The following NME7 variants were observed in gnomAD, a reference collection of about 807,000 sequenced individuals.
The protein encoded by NME7 is NME/NM23 family member 7.
Under a neutral mutation model 49.1 loss-of-function variants are expected in NME7, and 41 were observed. The observed-to-expected ratio is 0.83, with a 90% confidence interval of 0.65 to 1.08. The LOEUF is 1.08. NME7 is among the 50% of genes least tolerant of loss of function. The probability of loss-of-function intolerance (pLI) is 0.00; values close to 1 mark genes in which losing one functional copy is unlikely to be tolerated. For missense variants in NME7, 423 were observed against 463.4 expected, an observed-to-expected ratio of 0.91 and a Z score of 0.80; for synonymous variants, 139 against 150.6, an observed-to-expected ratio of 0.92 and a Z score of 0.56.
chr1:169,287,460 TA>T, intron 6 of NME7, 52 bp from the exon 7 acceptor site: 4 of 1,253,576 alleles, frequency 3.2e-6, no homozygotes, highest in South Asian at 1.7e-5. Flanking sequence ...ATCTTGAACT[TA>T]CAAGATATTT....
intron 1 of NME7, among the ~76,000 whole-genome samples, chr1:169,325,036 TAGGACCTCTGAAAATGAA>T (rs1331942569): frequency 2.0e-5 from 3 of 152,200 alleles, no homozygotes; most frequent in Non-Finnish European, 2.9e-5. Flanking sequence ...TGTGTTAGTC[TAGGACCTCTGAAAATGAA>T]TGTGAAGACA....
chr1:169,247,858 A>G (rs952344612), intron 7 of NME7, among the ~76,000 whole-genome samples: 1 of 152,124 alleles, frequency 6.6e-6, no homozygotes, highest in African/African-American at 2.4e-5. Context: ...GTGTATATAT[A>G]TCACATTTTC....
At chr1:169,149,492 A>T (rs1185505350) in intron 11 of NME7, among the ~76,000 whole-genome samples, 5 of 152,268 alleles carry the variant, frequency 3.3e-5, no homozygotes, top group African/African-American at 1.2e-4. Context: ...CCCAGCGGAT[A>T]CCTGAAACCA....
chr1:169,272,204 A>T lies in NME7; in HGVS notation c.754+15099T>A, dbSNP rs77631363. On this transcript the variant is annotated intron_variant, in intron 7 of 11. Coordinates refer to ENST00000367811, the MANE Select transcript of NME7 (RefSeq NM_013330.5). Reference sequence around the variant, plus strand: ...TCCTGTATAAACAGAAAAATAATATATTAAAATTATTAATAGTTATTTTGA... The same window carrying T: ...TCCTGTATAAACAGAAAAATAATATTTTAAAATTATTAATAGTTATTTTGA... Among the ~76,000 whole-genome samples, 33 of 133,042 alleles carry T rather than the reference A, an allele frequency of 2.5e-4. 7 individuals carry two copies. In the South Asian group the frequency reaches 7.0e-3, roughly 28 times the overall value. The allele number at this position is 133,042 out of a possible 152,430, so 87.3% of individuals were successfully genotyped here.
intron 7 of NME7, among the ~76,000 whole-genome samples, chr1:169,251,632 C>T (rs1230569125): frequency 1.4e-5 from 2 of 144,254 alleles, no homozygotes; most frequent in African/African-American, 2.6e-5. Flanking sequence ...CATATGTATA[C>T]ATGTGCCATG....
At chr1:169,364,753 A>C (rs928102257) in intron 1 of NME7, among the ~76,000 whole-genome samples, 1 of 152,238 alleles carries the variant, frequency 6.6e-6, no homozygotes, top group Non-Finnish European at 1.5e-5. Context: ...TTTATAGTTT[A>C]ACTTTGAAGC....
At chr1:169,246,057 T>C (rs1016397083) in intron 7 of NME7, among the ~76,000 whole-genome samples, 3 of 152,106 alleles carry the variant, frequency 2.0e-5, no homozygotes, top group Admixed American at 6.6e-5. Context: ...AAAAATATTG[T>C]AGAATTATAT....
At chr1:169,314,611 T>G (rs993299840) in intron 3 of NME7, among the ~76,000 whole-genome samples, 7 of 152,078 alleles carry the variant, frequency 4.6e-5, no homozygotes, top group Non-Finnish European at 7.4e-5. Flanking sequence ...ATTATAAAAC[T>G]GTATTTATAA....
At chr1:169,367,796 ACAAAGCCCCGC>A in exon 1 of NME7, 1 of 1,568,126 alleles carries the variant, frequency 6.4e-7, no homozygotes, top group Non-Finnish European at 8.8e-7. Context: ...TACTCAGGCA[ACAAAGCCCCGC>A]CCACTGTCGC....
rs540635676 is a variant in NME7 at position 169,234,558 on chromosome 1, C to T, written c.888+573G>A. Among the ~76,000 whole-genome samples the T allele has an allele frequency of 7.2e-5, 11 of 152,194 alleles. No individual in the cohort carries two copies. The South Asian group carries it at 1.0e-3, about 14-fold the overall frequency. On this transcript the variant is annotated intron_variant, in intron 9 of 11. Transcript: ENST00000367811. ...ACTTTTAATATGTGAGACAGTTTTA[C>T]ATAATTTATTTCATTTAATTCCCAC... is the stretch of plus-strand genomic sequence containing the variant.
intron 7 of NME7, among the ~76,000 whole-genome samples, chr1:169,258,287 C>G (rs7418266): frequency 0.094 from 11,556 of 122,536 alleles, 3,071 homozygotes; most frequent in East Asian, 0.76. Flanking sequence ...GGTTGAGGTT[C>G]CAGTGAGCTA....
At chr1:169,337,255 G>GAGCGC (rs1320661218) in intron 1 of NME7, among the ~76,000 whole-genome samples, 1 of 152,220 alleles carries the variant, frequency 6.6e-6, no homozygotes, top group Non-Finnish European at 1.5e-5. Flanking sequence ...GTGAGAAATC[G>GAGCGC]AGCGCAGCGC....
chr1:169,167,400 T>C (rs909158034), intron 11 of NME7, among the ~76,000 whole-genome samples: 8 of 152,260 alleles, frequency 5.3e-5, no homozygotes, highest in African/African-American at 1.9e-4. Context: ...TAATACTCAT[T>C]AAAATAAATG....
At position 169,348,364 on chromosome 1, in the gene NME7, C is replaced by CA. The variant is rs35999944; in HGVS notation, c.3+19343dup. 9.4e-3 allele frequency among the ~76,000 whole-genome samples: 1,193 copies of CA among 127,462 alleles called. 8 individuals are homozygous for CA. Among genetic ancestry groups the CA allele is most frequent in the Non-Finnish European group, 0.015 (873 of 58,954 alleles). The allele number at this position is 127,462 out of a possible 152,430, so 83.6% of individuals were successfully genotyped here. A position where few individuals can be genotyped will look rare whatever the true frequency, so the allele number is the denominator to read the frequency against. On this transcript the variant is annotated intron_variant, in intron 1 of 11. Transcript: ENST00000367811. Reference sequence around the variant, plus strand: ...TAAAGTAACAGATTCCAAAAAAAAGCAAAAAAAAAAAAAAACCCACATTTT... The same window carrying CA: ...TAAAGTAACAGATTCCAAAAAAAAGCAAAAAAAAAAAAAAAACCCACATTTT...
intron 1 of NME7, among the ~76,000 whole-genome samples, chr1:169,355,299 A>G (rs1363893712): frequency 9.4e-6 from 1 of 106,394 alleles, no homozygotes; most frequent in Non-Finnish European, 1.8e-5. Flanking sequence ...ATTGTATATT[A>G]TATATAATAT....
chr1:169,344,954 G>T (rs978405990), intron 1 of NME7, among the ~76,000 whole-genome samples: 1 of 152,158 alleles, frequency 6.6e-6, no homozygotes, highest in African/African-American at 2.4e-5. Flanking sequence ...ATTCATGAGA[G>T]TAGTCATCTG....
chr1:169,336,494 C>T (rs1391086497), intron 1 of NME7, among the ~76,000 whole-genome samples: 2 of 152,150 alleles, frequency 1.3e-5, no homozygotes, highest in African/African-American at 4.8e-5. Context: ...CTTCACGTCC[C>T]CATCAGATTA....
Position 169,336,849 on chromosome 1 carries a change from C to T in NME7, c.4-12349G>A, listed in dbSNP as rs186600296. ...ACCAGAGCAGCTAGATACAGAGTGT[C>T]GATTGGTGCACTCACAAACCTTGAG... On this transcript the variant is annotated intron_variant, in intron 1 of 11. Transcript: ENST00000367811. 8.8e-3 allele frequency among the ~76,000 whole-genome samples: 1,336 copies of T among 151,490 alleles called. 11 individuals carry two copies. The highest frequency in any genetic ancestry group is 0.031 in the African/African-American group (1,262 of 41,240).
intron 3 of NME7, among the ~76,000 whole-genome samples, chr1:169,313,467 T>G (rs1651492159): frequency 6.6e-6 from 1 of 152,142 alleles, no homozygotes; most frequent in Non-Finnish European, 1.5e-5. Flanking sequence ...AAACTTAGAA[T>G]TTTTGAACTA....
Sources: gnomAD v4.1 joint callset for allele counts (sites outside exome capture counted in the v4.1 genomes callset) on GRCh38, gnomAD v4.1.1 for gene constraint, MANE v1.5 for transcripts, NCBI Gene and HGNC (gene_info 2026-07-23, HGNC 2026-07-21) for gene names.